ZFP62: variants seen among roughly 807,000 people sequenced by gnomAD.
ZFP62 encodes the protein zinc finger protein 62 homolog.
A neutral mutation model predicts 56.4 loss-of-function variants in ZFP62; 44 were observed. The ratio of observed to expected loss-of-function variants is 0.78; its 90% CI spans 0.61 to 1.00. The LOEUF (loss-of-function observed/expected upper bound fraction) is 1.00, where lower values mean the gene tolerates loss of function less well. ZFP62 is among the 50% of genes least tolerant of loss of function. ZFP62 has a pLI of 0.00. For synonymous variants in ZFP62, 421 were observed against 388.9 expected, an observed-to-expected ratio of 1.08 and a Z score of -0.97; for missense variants, 1,030 against 1,085.7, an observed-to-expected ratio of 0.95 and a Z score of 0.72.
rs772092406 is a variant in ZFP62, at chr5:180,849,290, C to T, written c.2205G>A (p.Gly735=). ...GGAGAGAGCTGTAACTGAAAGATTT[C>T]CCACACTCAACACACTTGAAGGGTT... The part of the protein sequence containing the change: ...GEKPFKCVEC[G]KSFSYSSLLS... The change falls in exon 2 of 2, where the codon GGG becomes GGA. Residue 735 remains glycine (G), a synonymous_variant. Transcript: ENST00000502412. The T allele has an allele frequency of 3.9e-6, 6 of 1,552,698 alleles. No homozygotes were observed. Among genetic ancestry groups the T allele is most frequent in the Non-Finnish European group, 4.4e-6 (5 of 1,147,506 alleles).
chr5:180,858,272 A>G (rs950488232), intron 1 of ZFP62, among the ~76,000 whole-genome samples: 1 of 126,028 alleles, frequency 7.9e-6, no homozygotes, highest in African/African-American at 2.8e-5. Context: ...AAAAAAAAAA[A>G]AAAAAAGAAA....
chr5:180,848,882 T>G lies in ZFP62; in HGVS notation c.2613A>C (p.Ile871=). ...ATGTGCCACTATAACTTCCCACATA[T>G]ATCACATTTAAAGATTCCTCTCCAG... is the stretch of plus-strand genomic sequence containing the variant. ...THTGEESLNV[I]YVGSYSGTSQ... is the part of the protein sequence containing the mutation. Residue 871 remains isoleucine, a synonymous_variant, in exon 2 of 2, where the codon ATA becomes ATC. Transcript: ENST00000502412. The G allele has an allele frequency of 6.4e-7, 1 of 1,551,692 alleles. No individual in the cohort carries two copies. The highest frequency in any genetic ancestry group is 8.7e-7 in the Non-Finnish European group (1 of 1,146,950).
downstream of ZFP62, among the ~76,000 whole-genome samples, chr5:180,846,064 G>A: frequency 1.3e-5 from 2 of 152,130 alleles, 1 homozygote; most frequent in African/African-American, 4.8e-5. Flanking sequence ...GGAACCGGGG[G>A]TGGTGCCTAA....
At chr5:180,833,164 G>A in the ZFP62 span, among the ~76,000 whole-genome samples, 3 of 152,160 alleles carry the variant, frequency 2.0e-5, no homozygotes, top group Non-Finnish European at 2.9e-5. Context: ...ATTAGGTCAT[G>A]AGAGTGGAGC....
At chr5:180,836,811 C>G in the ZFP62 span, among the ~76,000 whole-genome samples, 4 of 152,214 alleles carry the variant, frequency 2.6e-5, no homozygotes. Flanking sequence ...CTATGGGCTA[C>G]TCTTTGCAGA....
At chr5:180,858,292 G>GA (rs1324221489) in intron 1 of ZFP62, among the ~76,000 whole-genome samples, 1 of 121,194 alleles carries the variant, frequency 8.3e-6, no homozygotes, top group Non-Finnish European at 1.8e-5. Context: ...AAAAAGAAAA[G>GA]AAAAAAAAGA....
At position 180,848,910 on chromosome 5, in the gene ZFP62, T is replaced by C; in HGVS notation, c.2585A>G (p.His862Arg). 3.2e-6 allele frequency: 5 copies of C among 1,551,718 alleles called. No homozygotes were observed. Among genetic ancestry groups the C allele is most frequent in the South Asian group, 2.4e-5 (2 of 84,062 alleles). ...RSNLTKHKRT[H>R]TGEESLNVIY... ...CACATTTAAAGATTCCTCTCCAGTA[T>C]GGGTTCTTTTATGCTTGGTGAGATT... is the stretch of plus-strand genomic sequence containing the variant. The change falls in exon 2 of 2, where the codon CAT (histidine) becomes CGT (arginine). Residue 862 changes from histidine to arginine, a missense_variant. His to Arg is a conservative substitution (Grantham distance 29, BLOSUM62 0). Coordinates refer to ENST00000502412, the MANE Select transcript of ZFP62 (RefSeq NM_001172638.2).
chr5:180,849,081 C>T lies in ZFP62; in HGVS notation c.2414G>A (p.Ser805Asn), dbSNP rs1230884855. 2 of 1,552,616 alleles carry T rather than the reference C, an allele frequency of 1.3e-6. No individual in the cohort carries two copies. The highest frequency in any genetic ancestry group is 2.7e-5 in the African/African-American group (2 of 73,016). Reference protein sequence around the residue: ...ISHSSLINHKSVHQGKQPYNC... With the variant: ...ISHSSLINHKNVHQGKQPYNC... Reference sequence around the variant, plus strand: ...ATAGGGCTGCTTCCCCTGGTGGACACTTTTATGATTGATAAGACTTGAGTG... The same window carrying T: ...ATAGGGCTGCTTCCCCTGGTGGACATTTTTATGATTGATAAGACTTGAGTG... The change falls in exon 2 of 2, where the codon AGT becomes AAT. Residue 805 changes from serine to asparagine, a missense_variant. Transcript: ENST00000502412.
chr5:180,849,026 A>T lies in ZFP62; in HGVS notation c.2469T>A (p.Tyr823Ter). The change falls in exon 2 of 2, where the codon TAT (tyrosine) becomes TAA (stop). Residue 823 changes from tyrosine (Y) to a stop codon, truncating the protein, a stop_gained. Transcript: ENST00000502412. LOFTEE classifies it high-confidence loss of function. The part of the protein sequence containing the change: ...YNCECGKSFN[Y>*]RSVLDQHKRI... The stretch of plus-strand genomic sequence containing the variant: ...TTTTGTGCTGGTCAAGGACTGATCT[A>T]TAATTGAAGGATTTCCCACACTCAC... 6.4e-7 allele frequency: 1 copy of T among 1,552,088 alleles called. No individual in the cohort carries two copies. The highest frequency in any genetic ancestry group is 1.2e-5 in the South Asian group (1 of 84,056).
At chr5:180,828,354 G>A in the ZFP62 span, among the ~76,000 whole-genome samples, 46 of 152,200 alleles carry the variant, frequency 3.0e-4, no homozygotes, top group Non-Finnish European at 4.4e-4. Flanking sequence ...AGGAGAGTCC[G>A]TAAGGCCCGG....
chr5:180,846,807 T>C (rs967652586), downstream of ZFP62, among the ~76,000 whole-genome samples: 10 of 152,204 alleles, frequency 6.6e-5, no homozygotes, highest in Admixed American at 2.6e-4. Flanking sequence ...TCCCACCCAG[T>C]ACCTGGGACA....
chr5:180,832,485 T>C, the ZFP62 span, among the ~76,000 whole-genome samples: 1 of 152,342 alleles, frequency 6.6e-6, no homozygotes, highest in East Asian at 1.9e-4. Flanking sequence ...TCTAGGATAA[T>C]AAATTTACAT....
downstream of ZFP62, among the ~76,000 whole-genome samples, chr5:180,843,053 A>T (rs1476299386): frequency 2.0e-5 from 3 of 148,836 alleles, no homozygotes; most frequent in Non-Finnish European, 3.0e-5. Context: ...AAAAAAAAAA[A>T]TAAATAAATA....
downstream of ZFP62, among the ~76,000 whole-genome samples, chr5:180,843,473 C>T (rs147357314): frequency 3.6e-3 from 543 of 151,972 alleles, 6 homozygotes; most frequent in African/African-American, 0.012. Context: ...CATAAAAATA[C>T]AGAAAGCGTG....
At chr5:180,841,035 C>T in the ZFP62 span, among the ~76,000 whole-genome samples, 1 of 151,928 alleles carries the variant, frequency 6.6e-6, no homozygotes, top group Non-Finnish European at 1.5e-5. Flanking sequence ...ATTCTGAGGA[C>T]AGGGTCTAAG....
downstream of ZFP62, among the ~76,000 whole-genome samples, chr5:180,843,324 C>T (rs1773351950): frequency 6.6e-6 from 1 of 151,656 alleles, no homozygotes; most frequent in Non-Finnish European, 1.5e-5. Flanking sequence ...ATATAACTTC[C>T]AAACCAAAAG....
intron 1 of ZFP62, among the ~76,000 whole-genome samples, chr5:180,860,285 T>C (rs1774232178): frequency 6.6e-6 from 1 of 152,206 alleles, no homozygotes; most frequent in South Asian, 2.1e-4. Context: ...GAAGAAATCT[T>C]TCACTGGTAA....
chr5:180,856,017 G>A (rs1200288927), intron 1 of ZFP62, among the ~76,000 whole-genome samples: 1 of 152,188 alleles, frequency 6.6e-6, no homozygotes, highest in Non-Finnish European at 1.5e-5. Context: ...AGCCTGATCT[G>A]TCCTCCTTTG....
Position 180,851,326 on chromosome 5 carries a change from C to T in ZFP62, c.169G>A (p.Val57Met), listed in dbSNP as rs762738991. 1 of 1,551,558 alleles carries T rather than the reference C, an allele frequency of 6.4e-7. No homozygotes were observed. Among genetic ancestry groups the T allele is most frequent in the Admixed American group, 2.0e-5 (1 of 50,982 alleles). The stretch of plus-strand genomic sequence containing the variant: ...TTGTCCTCCTTCATCCTGTTTTCCA[C>T]AGGCTTTTTCTGTTGATTCTCTACC... ...SKVENQQKKP[V>M]ENRMKEDKSS... is the part of the protein sequence containing the mutation. The change falls in exon 2 of 2, where the codon GTG becomes ATG. Residue 57 changes from valine to methionine, a missense_variant. By Grantham distance (21) the Val-to-Met change is conservative. Transcript: ENST00000502412.
Sources: allele counts gnomAD v4.1 joint callset (sites outside exome capture counted in the v4.1 genomes callset), GRCh38; gene constraint gnomAD v4.1.1; transcripts MANE v1.5; gene names NCBI Gene and HGNC (gene_info 2026-07-23, HGNC 2026-07-21).